Variants in WNT3A observed in about 807,000 individuals in gnomAD.
WNT3A encodes the protein Wnt family member 3A.
WNT3A carries 17 observed loss-of-function variants against 37.0 expected under a neutral mutation model. The observed-to-expected ratio is 0.46, with a 90% CI of 0.31 to 0.69. WNT3A has a LOEUF of 0.69. Ranked by LOEUF, WNT3A falls within the 30% of genes least tolerant of loss-of-function variation. The pLI is 0.05. For missense variants in WNT3A, 411 were observed against 510.2 expected (o/e 0.81, Z 1.87); for synonymous variants, 187 against 211.0 (o/e 0.89, Z 0.99).
intron 2 of WNT3A, among the ~76,000 whole-genome samples, chr1:228,027,998 C>T (rs1264857748): frequency 6.6e-6 from 1 of 152,130 alleles, no homozygotes; most frequent in Non-Finnish European, 1.5e-5. Context: ...ATGTGGTTTG[C>T]CAGTTTCCCC....
Position 228,007,830 on chromosome 1 carries a change from C to A in WNT3A, c.71+631C>A, listed in dbSNP as rs576202563. Among the ~76,000 whole-genome samples, 1 of 152,052 alleles carries A rather than the reference C, an allele frequency of 6.6e-6. No individual in the cohort carries two copies. Among genetic ancestry groups the A allele is most frequent in the East Asian group, 2.0e-4 (1 of 5,118 alleles). ...CCAGGGGCCCTCTCTGCGAGCCCTC[C>A]GCATGGGTCCACCTGGCAATGAGGG... is the stretch of plus-strand genomic sequence containing the variant. On this transcript the variant is annotated intron_variant, in intron 1 of 3. Coordinates refer to ENST00000284523, the MANE Select transcript of WNT3A (RefSeq NM_033131.4). The surrounding 1 kb of genome is among the most constrained non-coding windows in gnomAD (Gnocchi z 6.0).
intron 2 of WNT3A, among the ~76,000 whole-genome samples, chr1:228,025,556 C>T (rs1571799264): frequency 6.6e-6 from 1 of 152,162 alleles, no homozygotes; most frequent in East Asian, 1.9e-4. Flanking sequence ...GCTGTGTTTC[C>T]CAGACTGGTC....
At chr1:228,027,989 T>C (rs1307598867) in intron 2 of WNT3A, among the ~76,000 whole-genome samples, 2 of 152,200 alleles carry the variant, frequency 1.3e-5, no homozygotes, top group African/African-American at 4.8e-5. Flanking sequence ...TTCACCTACA[T>C]GTGGTTTGCC....
intron 1 of WNT3A, among the ~76,000 whole-genome samples, chr1:228,010,835 G>A (rs1320857114): frequency 6.6e-6 from 1 of 152,182 alleles, no homozygotes; most frequent in Non-Finnish European, 1.5e-5. Context: ...AACACATCAT[G>A]ACCTCCATTT....
Position 228,022,652 on chromosome 1 carries a change from T to A in WNT3A, c.72-15T>A. On this transcript the variant is annotated splice_polypyrimidine_tract_variant and intron_variant, in intron 1 of 3. Coordinates refer to ENST00000284523, the MANE Select transcript of WNT3A (RefSeq NM_033131.4). Reference sequence around the variant, plus strand: ...TCCCAGCCCCACACTCACCACCGGATCTTGCCCTCTGCAGGTCGCTGGCTG... The same window carrying A: ...TCCCAGCCCCACACTCACCACCGGAACTTGCCCTCTGCAGGTCGCTGGCTG... The A allele has an allele frequency of 6.2e-7, 1 of 1,607,460 alleles. No individual in the cohort carries two copies.
At chr1:228,010,511 G>A (rs1229614833) in intron 1 of WNT3A, among the ~76,000 whole-genome samples, 2 of 152,180 alleles carry the variant, frequency 1.3e-5, no homozygotes, top group Admixed American at 1.3e-4. Context: ...CAGCCACCTG[G>A]AGTTGCTGCC....
At position 228,010,817 on chromosome 1, in the gene WNT3A, A is replaced by G. The variant is rs117011599; in HGVS notation, c.71+3618A>G. Among the ~76,000 whole-genome samples the G allele has an allele frequency of 3.4e-3, 522 of 152,242 alleles. 11 individuals carry two copies. The highest frequency in any genetic ancestry group is 0.028 in the East Asian group (146 of 5,168). On this transcript the variant is annotated intron_variant, in intron 1 of 3. Transcript: ENST00000284523. ...CCCTCTGGGCCTCGAGCTTGTCACTATGACAGAAACACATCATGACCTCCA... is the reference window on the plus strand; with the variant it reads ...CCCTCTGGGCCTCGAGCTTGTCACTGTGACAGAAACACATCATGACCTCCA...
At chr1:228,047,995 C>G (rs959872556) in intron 2 of WNT3A, among the ~76,000 whole-genome samples, 13 of 152,154 alleles carry the variant, frequency 8.5e-5, no homozygotes, top group African/African-American at 2.7e-4. Context: ...CTACATCAGC[C>G]CCATCCACCC....
In WNT3A at chr1:228,059,315, C is replaced by G; in HGVS notation, c.909C>G (p.Gly303=). Residue 303 remains glycine (G), a synonymous_variant, in exon 4 of 4, where the codon GGC becomes GGG. Coordinates refer to ENST00000284523, the MANE Select transcript of WNT3A (RefSeq NM_033131.4). ...GCACCTGCAACGTCAGCTCGCACGG[C>G]ATCGACGGCTGCGACCTGCTGTGCT... ...RDRTCNVSSH[G]IDGCDLLCCG... 6.3e-7 allele frequency: 1 copy of G among 1,578,244 alleles called. No individual in the cohort carries two copies. Among genetic ancestry groups the G allele is most frequent in the Non-Finnish European group, 8.6e-7 (1 of 1,167,102 alleles).
At chr1:228,021,093 C>T (rs998834833) in intron 1 of WNT3A, among the ~76,000 whole-genome samples, 2 of 152,166 alleles carry the variant, frequency 1.3e-5, no homozygotes, top group African/African-American at 4.8e-5. Flanking sequence ...TTCGTTCTGA[C>T]GTGAAGCACT....
At chr1:228,009,417 TTC>T (rs981677844) in intron 1 of WNT3A, among the ~76,000 whole-genome samples, 5 of 152,092 alleles carry the variant, frequency 3.3e-5, no homozygotes, top group African/African-American at 1.2e-4. Context: ...CCGGGGAAGA[TTC>T]TCTCTCTTTC....
At chr1:228,047,922 G>A (rs1558293708) in intron 2 of WNT3A, among the ~76,000 whole-genome samples, 1 of 152,082 alleles carries the variant, frequency 6.6e-6, no homozygotes, top group Non-Finnish European at 1.5e-5. Flanking sequence ...CCTCTACCAG[G>A]CCCCACCCCA....
At position 228,050,468 on chromosome 1, in the gene WNT3A, G is replaced by A. The variant is rs541634052; in HGVS notation, c.314-188G>A. On this transcript the variant is annotated intron_variant, in intron 2 of 3. Transcript: ENST00000284523. The surrounding 1 kb of genome is among the most constrained non-coding windows in gnomAD (Gnocchi z 5.0). ...GAAACAGCCTGAGGCCCTTGCCAGAGGCAGTTGCTGGAGCCATGCTTCTGT... is the reference window on the plus strand; with the variant it reads ...GAAACAGCCTGAGGCCCTTGCCAGAAGCAGTTGCTGGAGCCATGCTTCTGT... 1.1e-4 allele frequency among the ~76,000 whole-genome samples: 16 copies of A among 152,332 alleles called. No homozygotes were observed. The highest frequency in any genetic ancestry group is 3.8e-4 in the African/African-American group (16 of 41,570).
chr1:228,038,744 C>T lies in WNT3A; in HGVS notation c.314-11912C>T, dbSNP rs934887742. ...TGCAGCGTGCACGGGGGGCTGTGTT[C>T]GCTGTGACCCTCCATCCCCCAGGAT... On this transcript the variant is annotated intron_variant, in intron 2 of 3. Coordinates refer to ENST00000284523, the MANE Select transcript of WNT3A (RefSeq NM_033131.4). This position sits in a 1 kb window ranked among gnomAD's most constrained non-coding sequence, Gnocchi z 5.7. 6.6e-5 allele frequency among the ~76,000 whole-genome samples: 10 copies of T among 152,250 alleles called. No individual in the cohort carries two copies. The highest frequency in any genetic ancestry group is 1.9e-4 in the East Asian group (1 of 5,176).
At chr1:228,017,842 C>T (rs1442347366) in intron 1 of WNT3A, among the ~76,000 whole-genome samples, 4 of 152,220 alleles carry the variant, frequency 2.6e-5, no homozygotes, top group African/African-American at 7.2e-5. Flanking sequence ...TTCTCCTTCT[C>T]TGGGTCTGAG....
At chr1:228,030,620 T>C (rs2030979361) in intron 2 of WNT3A, among the ~76,000 whole-genome samples, 1 of 152,102 alleles carries the variant, frequency 6.6e-6, no homozygotes, top group African/African-American at 2.4e-5. Context: ...GCTATGGTGT[T>C]TTTTTAGAGC....
At chr1:228,047,792 C>A (rs1571812030) in intron 2 of WNT3A, among the ~76,000 whole-genome samples, 1 of 151,946 alleles carries the variant, frequency 6.6e-6, no homozygotes, top group South Asian at 2.1e-4. Context: ...AGAGCAGGAG[C>A]GGGATAAAGA....
At chr1:228,023,213 G>A (rs2030764507) in intron 2 of WNT3A, among the ~76,000 whole-genome samples, 1 of 152,198 alleles carries the variant, frequency 6.6e-6, no homozygotes, top group Non-Finnish European at 1.5e-5. Flanking sequence ...GGCTTGCAGA[G>A]GAAATACACA....
intron 1 of WNT3A, among the ~76,000 whole-genome samples, chr1:228,018,670 G>T (rs1002418136): frequency 2.0e-5 from 3 of 152,164 alleles, no homozygotes; most frequent in African/African-American, 7.2e-5. Flanking sequence ...GAGATTACAG[G>T]CATGAGCCAC....
Sources: allele counts gnomAD v4.1 joint callset (sites outside exome capture counted in the v4.1 genomes callset), GRCh38; gene constraint gnomAD v4.1.1; non-coding constraint Gnocchi (gnomAD v3.1); transcripts MANE v1.5; gene names NCBI Gene and HGNC (gene_info 2026-07-23, HGNC 2026-07-21).